The following CORT variants were observed in gnomAD, a reference collection of about 807,000 sequenced individuals.
CORT encodes the protein cortistatin-14.
In CORT, 2 loss-of-function variants were observed where a neutral mutation model predicts 4.4. The observed-to-expected ratio is 0.46, with a 90% CI of 0.19 to 1.44. The LOEUF (loss-of-function observed/expected upper bound fraction) is 1.44. Among genes scored for constraint, CORT ranks in the 40% most tolerant of loss-of-function variants. CORT has a pLI of 0.26. For synonymous variants in CORT, 72 were observed against 62.0 expected (o/e 1.16, Z -0.75); for missense variants, 158 against 140.2 (o/e 1.13, Z -0.64).
At position 10,451,518 on chromosome 1, in the gene CORT, C is replaced by T. The variant is rs748969228; in HGVS notation, c.241C>T (p.Pro81Ser). The change falls in exon 2 of 2, where the codon CCC becomes TCC. Residue 81 changes from proline (P) to serine (S), a missense_variant. Coordinates refer to ENST00000377049, the MANE Select transcript of CORT (RefSeq NM_001302.5). ...REVARRQEGA[P>S]PQQSARRDRM... ...GGTGGCCAGGCGGCAGGAAGGCGCA[C>T]CCCCCCAGCAATCTGCGCGCCGGGA... The T allele has an allele frequency of 1.5e-5, 24 of 1,606,782 alleles. No individual in the cohort carries two copies. In the South Asian group the frequency reaches 1.5e-4, roughly 10 times the overall value.
At chr1:10,450,960 G>GT (rs1186557209) in intron 1 of CORT, among the ~76,000 whole-genome samples, 2 of 152,196 alleles carry the variant, frequency 1.3e-5, no homozygotes, top group Non-Finnish European at 2.9e-5. Flanking sequence ...ACATCCAGGA[G>GT]TGTGGCCAAA....
intron 1 of CORT, among the ~76,000 whole-genome samples, 193 bp downstream of exon 1, chr1:10,450,515 A>G (rs1640751231): frequency 6.6e-6 from 1 of 152,176 alleles, no homozygotes; most frequent in Non-Finnish European, 1.5e-5. Flanking sequence ...ATCCTCAGTT[A>G]CATGTCCCAA....
At chr1:10,451,207 T>C (rs1189161568) in intron 1 of CORT, among the ~76,000 whole-genome samples, 170 bp from the exon 2 acceptor site, 1 of 152,250 alleles carries the variant, frequency 6.6e-6, no homozygotes, top group Non-Finnish European at 1.5e-5. Flanking sequence ...ATGAGGCTTA[T>C]CGCTATGGAG....
At position 10,450,325 on chromosome 1, in the gene CORT, G is replaced by A. The variant is rs1435980483; in HGVS notation, c.99+3G>A. 4.6e-6 allele frequency: 7 copies of A among 1,508,510 alleles called. No individual in the cohort carries two copies. The highest frequency in any genetic ancestry group is 6.2e-6 in the Non-Finnish European group (7 of 1,129,432). 93.4% of individuals were successfully genotyped at this position (1,508,510 alleles called of 1,614,324 possible). The stretch of plus-strand genomic sequence containing the variant: ...GCCCCACCGGCCGAGACAGCGAGGT[G>A]AGTACAGTCCCGACGTGGCCACACG... On this transcript the variant is annotated splice_donor_region_variant and intron_variant, in intron 1 of 1. Coordinates refer to ENST00000377049, the MANE Select transcript of CORT (RefSeq NM_001302.5).
chr1:10,450,497 G>C (rs1640750929), intron 1 of CORT, among the ~76,000 whole-genome samples, 175 bp downstream of exon 1: 1 of 152,212 alleles, frequency 6.6e-6, no homozygotes, highest in South Asian at 2.1e-4. Flanking sequence ...GCCGCATTCA[G>C]ACCACTGATC....
rs777360908 is a variant in CORT, at chr1:10,450,040, C to CGAGGGAA, written c.-172_-166dup. 1 of 1,491,240 alleles carries CGAGGGAA rather than the reference C, an allele frequency of 6.7e-7. No homozygotes were observed. The highest frequency in any genetic ancestry group is 2.2e-5 in the Admixed American group (1 of 45,154). The allele number at this position is 1,491,240 out of a possible 1,614,324, so 92.4% of individuals were successfully genotyped here. On this transcript the variant is annotated 5_prime_UTR_variant, in exon 1 of 2. Coordinates refer to ENST00000377049, the MANE Select transcript of CORT (RefSeq NM_001302.5). ...TTGCTCCAGCTTCTGCGTCACTGCG[C>CGAGGGAA]GAGGGAAGAGGGAAGAGGATCCAGG... is the stretch of plus-strand genomic sequence containing the variant.
Position 10,451,410 on chromosome 1 carries a change from A to T in CORT, c.133A>T (p.Ser45Cys). Residue 45 changes from serine (S) to cysteine (C), a missense_variant, in exon 2 of 2, where the codon AGC (serine) becomes TGC (cysteine). Ser to Cys is a moderately radical substitution (Grantham distance 112, BLOSUM62 -1). Coordinates refer to ENST00000377049, the MANE Select transcript of CORT (RefSeq NM_001302.5). ...MQEAAGIRKS[S>C]LLTFLAWWFE... ...GGAAGCGGCAGGAATAAGGAAAAGC[A>T]GCCTCCTGACTTTCCTCGCTTGGTG... is the stretch of plus-strand genomic sequence containing the variant. The T allele has an allele frequency of 6.2e-7, 1 of 1,612,892 alleles. No individual in the cohort carries two copies.
Position 10,451,479 on chromosome 1 carries a change from G to A in CORT, c.202G>A (p.Glu68Lys), listed in dbSNP as rs1640783401. Residue 68 changes from glutamate to lysine, a missense_variant, in exon 2 of 2, where the codon GAG becomes AAG. Transcript: ENST00000377049. ...SQASAGPLIGEEAREVARRQE... is the reference protein window; with the variant it reads ...SQASAGPLIGKEAREVARRQE... ...GGCCAGTGCCGGGCCCCTCATAGGA[G>A]AGGAAGCCCGGGAGGTGGCCAGGCG... The A allele has an allele frequency of 1.9e-6, 3 of 1,614,160 alleles. No individual in the cohort carries two copies. In the East Asian group the frequency reaches 6.7e-5, roughly 36 times the overall value.
rs1478631044 is a variant in CORT at position 10,451,961 on chromosome 1, T to TA, written c.*372dup. ...ATGAATTGATATGAATTGTCTAATT[T>TA]AAAAAATATTTCCCTCACATTAAAA... On this transcript the variant is annotated 3_prime_UTR_variant, in exon 2 of 2. Coordinates refer to ENST00000377049, the MANE Select transcript of CORT (RefSeq NM_001302.5). 1.8e-5 allele frequency: 3 copies of TA among 165,310 alleles called. No homozygotes were observed. The East Asian group carries it at 5.1e-4, about 28-fold the overall frequency. 10.2% of individuals were successfully genotyped at this position (165,310 alleles called of 1,614,324 possible).
chr1:10,450,323 G>A lies in CORT; in HGVS notation c.99+1G>A, dbSNP rs755117596. On this transcript the variant is annotated splice_donor_variant, in intron 1 of 1. Coordinates refer to ENST00000377049, the MANE Select transcript of CORT (RefSeq NM_001302.5). LOFTEE classifies it high-confidence loss of function. ...TGGCCCCACCGGCCGAGACAGCGAG[G>A]TGAGTACAGTCCCGACGTGGCCACA... The A allele has an allele frequency of 6.6e-7, 1 of 1,509,110 alleles. No individual in the cohort carries two copies. The highest frequency in any genetic ancestry group is 2.3e-5 in the Admixed American group (1 of 43,900). 93.5% of individuals were successfully genotyped at this position (1,509,110 alleles called of 1,614,324 possible).
chr1:10,450,307 C>G lies in CORT; in HGVS notation c.84C>G (p.Thr28=), dbSNP rs758278055. The change falls in exon 1 of 2, where the codon ACC becomes ACG. Residue 28 remains threonine (T), a synonymous_variant. Coordinates refer to ENST00000377049, the MANE Select transcript of CORT (RefSeq NM_001302.5). ...CCCTGCCCCTGGAGGGTGGCCCCACCGGCCGAGACAGCGAGGTGAGTACAG... is the reference window on the plus strand; with the variant it reads ...CCCTGCCCCTGGAGGGTGGCCCCACGGGCCGAGACAGCGAGGTGAGTACAG... ...TAALPLEGGP[T]GRDSEHMQEA... 1.3e-6 allele frequency: 2 copies of G among 1,513,056 alleles called. No homozygotes were observed. Among genetic ancestry groups the G allele is most frequent in the African/African-American group, 2.8e-5 (2 of 71,480 alleles). The allele number at this position is 1,513,056 out of a possible 1,614,324, so 93.7% of individuals were successfully genotyped here.
In CORT at chr1:10,451,366, C is replaced by A. The variant is rs1230141757; in HGVS notation, c.100-11C>A. 2 of 1,577,134 alleles carry A rather than the reference C, an allele frequency of 1.3e-6. No homozygotes were observed. The highest frequency in any genetic ancestry group is 1.7e-6 in the Non-Finnish European group (2 of 1,160,990). On this transcript the variant is annotated splice_polypyrimidine_tract_variant and intron_variant, in intron 1 of 1. Coordinates refer to ENST00000377049, the MANE Select transcript of CORT (RefSeq NM_001302.5). ...GTTTTCTTTCCTTTGCCATCTGCTT[C>A]TCTTTAAAAGCATATGCAGGAAGCG...
At position 10,450,296 on chromosome 1, in the gene CORT, G is replaced by C; in HGVS notation, c.73G>C (p.Gly25Arg). 2 of 1,520,870 alleles carry C rather than the reference G, an allele frequency of 1.3e-6. No individual in the cohort carries two copies. Among genetic ancestry groups the C allele is most frequent in the Non-Finnish European group, 1.8e-6 (2 of 1,134,540 alleles). 94.2% of individuals were successfully genotyped at this position (1,520,870 alleles called of 1,614,324 possible). Residue 25 changes from glycine to arginine, a missense_variant, in exon 1 of 2, where the codon GGT becomes CGT. Gly to Arg is a moderately radical substitution (Grantham distance 125). Transcript: ENST00000377049. ...ATATAALPLEGGPTGRDSEHM... is the reference protein window; with the variant it reads ...ATATAALPLERGPTGRDSEHM... The stretch of plus-strand genomic sequence containing the variant: ...GGCCACCGCTGCCCTGCCCCTGGAG[G>C]GTGGCCCCACCGGCCGAGACAGCGA...
rs199777356 is a variant in CORT, at chr1:10,451,504, G to T, written c.227G>T (p.Arg76Leu). ...IGEEAREVAR[R>L]QEGAPPQQSA... ...GAGGAAGCCCGGGAGGTGGCCAGGC[G>T]GCAGGAAGGCGCACCCCCCCAGCAA... The change falls in exon 2 of 2, where the codon CGG (arginine) becomes CTG (leucine). Residue 76 changes from arginine to leucine, a missense_variant. Coordinates refer to ENST00000377049, the MANE Select transcript of CORT (RefSeq NM_001302.5). The T allele has an allele frequency of 1.9e-5, 30 of 1,613,912 alleles. No individual in the cohort carries two copies. Among genetic ancestry groups the T allele is most frequent in the Admixed American group, 1.3e-4 (8 of 59,982 alleles).
rs375806455 is a variant in CORT, at chr1:10,450,238, C to G, written c.15C>G (p.Pro5=). 2.5e-6 allele frequency: 4 copies of G among 1,586,150 alleles called. No homozygotes were observed. The highest frequency in any genetic ancestry group is 3.4e-6 in the Non-Finnish European group (4 of 1,165,986). MPLS[P]GLLLLLLSGA... ...CAGCCCACAAGATGCCATTGTCCCC[C>G]GGCCTCCTGCTGCTGCTGCTCTCCG... The change falls in exon 1 of 2, where the codon CCC becomes CCG. Residue 5 remains proline (P), a synonymous_variant. Transcript: ENST00000377049.
In CORT at chr1:10,450,164, G is replaced by C; in HGVS notation, c.-60G>C. 1 of 1,610,204 alleles carries C rather than the reference G, an allele frequency of 6.2e-7. No homozygotes were observed. Among genetic ancestry groups the C allele is most frequent in the Non-Finnish European group, 8.5e-7 (1 of 1,178,492 alleles). On this transcript the variant is annotated 5_prime_UTR_variant, in exon 1 of 2. Coordinates refer to ENST00000377049, the MANE Select transcript of CORT (RefSeq NM_001302.5). ...CCAAGTCCCCAAAACATTGATTTCA[G>C]GGCTGCCAGGAAGGAAGAGCAGCAG... is the stretch of plus-strand genomic sequence containing the variant.
At chr1:10,450,659 T>TA (rs1452636901) in intron 1 of CORT, among the ~76,000 whole-genome samples, 1 of 152,202 alleles carries the variant, frequency 6.6e-6, no homozygotes, top group East Asian at 1.9e-4. Context: ...AGCCTTCAGT[T>TA]ATACATAGCA....
In CORT at chr1:10,451,845, T is replaced by C. The variant is rs541272987; in HGVS notation, c.*250T>C. Reference sequence around the variant, plus strand: ...CACTGGGCTTTTCTTCTGATGTTCATTATGGTGCTGGGAAGCTCTGTCTTT... The same window carrying C: ...CACTGGGCTTTTCTTCTGATGTTCACTATGGTGCTGGGAAGCTCTGTCTTT... On this transcript the variant is annotated 3_prime_UTR_variant, in exon 2 of 2. Coordinates refer to ENST00000377049, the MANE Select transcript of CORT (RefSeq NM_001302.5). 4 of 427,722 alleles carry C rather than the reference T, an allele frequency of 9.4e-6. No individual in the cohort carries two copies. The highest frequency in any genetic ancestry group is 1.2e-5 in the Non-Finnish European group (3 of 253,236). The allele number at this position is 427,722 out of a possible 1,614,324, so 26.5% of individuals were successfully genotyped here.
Position 10,451,382 on chromosome 1 carries a change from G to A in CORT, c.105G>A (p.Met35Ile), listed in dbSNP as rs755207510. The A allele has an allele frequency of 6.2e-7, 1 of 1,607,334 alleles. No homozygotes were observed. Among genetic ancestry groups the A allele is most frequent in the Non-Finnish European group, 8.5e-7 (1 of 1,176,960 alleles). ...CATCTGCTTCTCTTTAAAAGCATAT[G>A]CAGGAAGCGGCAGGAATAAGGAAAA... is the stretch of plus-strand genomic sequence containing the variant. ...GGPTGRDSEH[M>I]QEAAGIRKSS... is the part of the protein sequence containing the mutation. Residue 35 changes from methionine (M) to isoleucine (I), a missense_variant, in exon 2 of 2, where the codon ATG becomes ATA. Coordinates refer to ENST00000377049, the MANE Select transcript of CORT (RefSeq NM_001302.5).
Sources: gnomAD v4.1 joint callset for allele counts (sites outside exome capture counted in the v4.1 genomes callset) on GRCh38, gnomAD v4.1.1 for gene constraint, MANE v1.5 for transcripts, NCBI Gene and HGNC (gene_info 2026-07-23, HGNC 2026-07-21) for gene names.